Variants in ADAMTS1 observed in about 807,000 individuals in gnomAD.
ADAMTS1 encodes the protein A disintegrin and metalloproteinase with thrombospondin motifs 1.
A neutral mutation model predicts 87.9 loss-of-function variants in ADAMTS1; 19 were observed. That is an observed-to-expected ratio of 0.22 (90% CI 0.15 to 0.32). The LOEUF is 0.32. Ranked by LOEUF, ADAMTS1 falls within the 10% of genes least tolerant of loss-of-function variation. The probability of loss-of-function intolerance (pLI) is 1.00; values close to 1 mark genes in which losing one functional copy is unlikely to be tolerated. For synonymous variants in ADAMTS1, 542 were observed against 501.8 expected (o/e 1.08, Z -1.07); for missense variants, 1,240 against 1,259.1 (o/e 0.98, Z 0.23).
At position 26,838,738 on chromosome 21, in the gene ADAMTS1, A is replaced by G. The variant is rs73898799; in HGVS notation, c.2029-124T>C. 3,539 of 907,684 alleles carry G rather than the reference A, an allele frequency of 3.9e-3. 102 individuals are homozygous for G. In the African/African-American group the frequency reaches 0.053, roughly 14 times the overall value. The allele number at this position is 907,684 out of a possible 1,614,324, so 56.2% of individuals were successfully genotyped here. On this transcript the variant is annotated intron_variant, in intron 7 of 8. Transcript: ENST00000284984. Reference sequence around the variant, plus strand: ...TAATTAAACACAGTACCCTCTACACATTATGCATTTCATGCATTTACCCTT... The same window carrying G: ...TAATTAAACACAGTACCCTCTACACGTTATGCATTTCATGCATTTACCCTT...
Position 26,842,015 on chromosome 21 carries a change from T to G in ADAMTS1, c.1078-25A>C, listed in dbSNP as rs1327569862. 1.9e-6 allele frequency: 3 copies of G among 1,609,678 alleles called. No homozygotes were observed. In the East Asian group the frequency reaches 6.7e-5, roughly 36 times the overall value. Reference sequence around the variant, plus strand: ...CCTACAAAAAGCAAAGGTAAATACTTATTAATAAGGGGAGCATGACCCTTG... The same window carrying G: ...CCTACAAAAAGCAAAGGTAAATACTGATTAATAAGGGGAGCATGACCCTTG... On this transcript the variant is annotated intron_variant, in intron 2 of 8. Transcript: ENST00000284984.
chr21:26,837,170 C>G lies in ADAMTS1; in HGVS notation c.*409G>C, dbSNP rs1429093448. 1 of 168,568 alleles carries G rather than the reference C, an allele frequency of 5.9e-6. No homozygotes were observed. The highest frequency in any genetic ancestry group is 1.3e-5 in the Non-Finnish European group (1 of 76,772). The allele number at this position is 168,568 out of a possible 1,614,324, so 10.4% of individuals were successfully genotyped here. A position where few individuals can be genotyped will look rare whatever the true frequency, so the allele number is the denominator to read the frequency against. On this transcript the variant is annotated 3_prime_UTR_variant, in exon 9 of 9. Transcript: ENST00000284984. ...AAAGTAAAACAGGTCTTAGTAAAATCTCACTTTTCTCCTACTTTTCATTTC... is the reference window on the plus strand; with the variant it reads ...AAAGTAAAACAGGTCTTAGTAAAATGTCACTTTTCTCCTACTTTTCATTTC...
Position 26,837,867 on chromosome 21 carries a change from C to T in ADAMTS1, c.2616G>A (p.Leu872=), listed in dbSNP as rs1401859949. Residue 872 remains leucine, a synonymous_variant, in exon 9 of 9, where the codon TTG becomes TTA. Coordinates refer to ENST00000284984, the MANE Select transcript of ADAMTS1 (RefSeq NM_006988.5). ...EWGECSKSCE[L]GWQRRLVECR... is the part of the protein sequence containing the mutation. ...ATTCTACCAGTCTTCTCTGCCAACC[C>T]AATTCACATGACTTAGAACATTCGC... 1 of 1,614,226 alleles carries T rather than the reference C, an allele frequency of 6.2e-7. No homozygotes were observed. The highest frequency in any genetic ancestry group is 2.2e-5 in the East Asian group (1 of 44,884).
chr21:26,837,635 G>A lies in ADAMTS1; in HGVS notation c.2848C>T (p.Pro950Ser). The A allele has an allele frequency of 6.2e-7, 1 of 1,614,142 alleles. No individual in the cohort carries two copies. Among genetic ancestry groups the A allele is most frequent in the Non-Finnish European group, 8.5e-7 (1 of 1,180,032 alleles). Residue 950 changes from proline to serine, a missense_variant, in exon 9 of 9, where the codon CCT becomes TCT. Around this residue, in one of 3 missense-constraint regions of ADAMTS1, gnomAD observed 402 missense variants for 399.1 expected, o/e 1.01. Transcript: ENST00000284984. ...ATGAAATGTTTAGGTTTCTTTAAAGGATCACAGCTCTCATGAGATAACACC... is the reference window on the plus strand; with the variant it reads ...ATGAAATGTTTAGGTTTCTTTAAAGAATCACAGCTCTCATGAGATAACACC... ...GGVLSHESCD[P>S]LKKPKHFIDF...
At position 26,844,778 on chromosome 21, in the gene ADAMTS1, C is replaced by T; in HGVS notation, c.177G>A (p.Glu59=). 5.8e-6 allele frequency: 9 copies of T among 1,545,810 alleles called. No homozygotes were observed. Among genetic ancestry groups the T allele is most frequent in the Non-Finnish European group, 7.0e-6 (8 of 1,143,534 alleles). Residue 59 remains glutamate, a synonymous_variant, in exon 1 of 9, where the codon GAG becomes GAA. Transcript: ENST00000284984. ...CGCGCTCCAGCTCCGGCACCACTAG[C>T]TCCTCGTCCTCCTCGGAGGGGCGCC... ...ALGRPSEEDE[E]LVVPELERAP... is the part of the protein sequence containing the mutation.
At position 26,842,368 on chromosome 21, in the gene ADAMTS1, A is replaced by G; in HGVS notation, c.1048T>C (p.Tyr350His). The G allele has an allele frequency of 4.3e-6, 7 of 1,614,152 alleles. No individual in the cohort carries two copies. Among genetic ancestry groups the G allele is most frequent in the Non-Finnish European group, 5.9e-6 (7 of 1,180,020 alleles). Residue 350 changes from tyrosine (Y) to histidine (H), a missense_variant, in exon 2 of 9, where the codon TAT becomes CAT. Physicochemically the swap from Tyr to His is moderately conservative, Grantham distance 83. Transcript: ENST00000284984. The stretch of plus-strand genomic sequence containing the variant: ...CTGGTGAAAAGAATTGCTGTGTCAT[A>G]GTGCTCTGCATCCCGGTCACTGGGT... ...NPPSDRDAEH[Y>H]DTAILFTRQD...
rs1343244651 is a variant in ADAMTS1 at position 26,838,047 on chromosome 21, G to A, written c.2436C>T (p.Arg812=). The A allele has an allele frequency of 6.2e-7, 1 of 1,614,078 alleles. No homozygotes were observed. Among genetic ancestry groups the A allele is most frequent in the Admixed American group, 1.7e-5 (1 of 60,012 alleles). Residue 812 remains arginine, a synonymous_variant, in exon 9 of 9, where the codon CGC becomes CGT. Coordinates refer to ENST00000284984, the MANE Select transcript of ADAMTS1 (RefSeq NM_006988.5). ...AGGGCTCTTTGAGAGGGCTAAAGCT[G>A]CGAATTCTTTCCAATGCCGCAGAGG... The part of the protein sequence containing the change: ...SGSSAALERI[R]SFSPLKEPLT...
intron 1 of ADAMTS1, chr21:26,843,861 C>A: frequency 2.2e-6 from 1 of 459,074 alleles, no homozygotes. Context: ...ACAAAAGGCG[C>A]ACACAAAATC....
At chr21:26,842,729 G>A in intron 1 of ADAMTS1, 44 bp from the exon 2 acceptor site, 1 of 1,535,992 alleles carries the variant, frequency 6.5e-7, no homozygotes, top group Non-Finnish European at 8.9e-7. Context: ...GGCTGTCCAA[G>A]AATAGTTACC....
At chr21:26,843,094 G>T (rs1017464991) in intron 1 of ADAMTS1, 6 of 264,280 alleles carry the variant, frequency 2.3e-5, no homozygotes, top group African/African-American at 1.4e-4. Context: ...GGCTCCACGT[G>T]GAAGGCCTCG....
At chr21:26,840,188 A>T in intron 5 of ADAMTS1, 88 bp downstream of exon 5, 1 of 1,559,850 alleles carries the variant, frequency 6.4e-7, no homozygotes. Flanking sequence ...GCTAGAGGAC[A>T]CGGATGGGGA....
In ADAMTS1 at chr21:26,837,849, C is replaced by A; in HGVS notation, c.2634G>T (p.Leu878=). The change falls in exon 9 of 9, where the codon CTG becomes CTT. Residue 878 remains leucine (L), a synonymous_variant. Coordinates refer to ENST00000284984, the MANE Select transcript of ADAMTS1 (RefSeq NM_006988.5). ...KSCELGWQRR[L]VECRDINGQP... Reference sequence around the variant, plus strand: ...GTCCATTAATGTCTCGGCATTCTACCAGTCTTCTCTGCCAACCCAATTCAC... The same window carrying A: ...GTCCATTAATGTCTCGGCATTCTACAAGTCTTCTCTGCCAACCCAATTCAC... 1 of 1,614,226 alleles carries A rather than the reference C, an allele frequency of 6.2e-7. No homozygotes were observed. The highest frequency in any genetic ancestry group is 1.1e-5 in the South Asian group (1 of 91,090).
At position 26,839,869 on chromosome 21, in the gene ADAMTS1, C is replaced by T. The variant is rs1985453816; in HGVS notation, c.1852+6G>A. On this transcript the variant is annotated splice_donor_region_variant and intron_variant, in intron 6 of 8. Coordinates refer to ENST00000284984, the MANE Select transcript of ADAMTS1 (RefSeq NM_006988.5). ...TTTCTTAAAACCAGAGTCCGTTGCT[C>T]CTCACCATTATTGTCTGGACAGTCC... 1 of 1,612,438 alleles carries T rather than the reference C, an allele frequency of 6.2e-7. No homozygotes were observed. Among genetic ancestry groups the T allele is most frequent in the Non-Finnish European group, 8.5e-7 (1 of 1,179,216 alleles).
Position 26,837,508 on chromosome 21 carries a change from C to T in ADAMTS1, c.*71G>A. ...GGCAAGATACGCTGGATCCCTCCAG[C>T]CTTCTTGCTTTCCCTGCACCAGCCC... On this transcript the variant is annotated 3_prime_UTR_variant, in exon 9 of 9. Transcript: ENST00000284984. 1 of 1,386,314 alleles carries T rather than the reference C, an allele frequency of 7.2e-7. No individual in the cohort carries two copies. The highest frequency in any genetic ancestry group is 1.0e-6 in the Non-Finnish European group (1 of 989,000). 85.9% of individuals were successfully genotyped at this position (1,386,314 alleles called of 1,614,324 possible). A position where few individuals can be genotyped will look rare whatever the true frequency, so the allele number is the denominator to read the frequency against.
Position 26,840,464 on chromosome 21 carries a change from C to A in ADAMTS1, c.1477G>T (p.Gly493Trp). ...TCGGGGCAGTGTTTGGAGTCCTCCCCAAATGTAAACTGGCACTGCCGGTTG... is the reference window on the plus strand; with the variant it reads ...TCGGGGCAGTGTTTGGAGTCCTCCCAAAATGTAAACTGGCACTGCCGGTTG... The part of the protein sequence containing the change: ...DANRQCQFTF[G>W]EDSKHCPDAA... The change falls in exon 5 of 9, where the codon GGG becomes TGG. Residue 493 changes from glycine to tryptophan, a missense_variant. This residue lies in a region of ADAMTS1 where 317 missense variants were observed against 410.3 expected (regional missense o/e 0.77). Coordinates refer to ENST00000284984, the MANE Select transcript of ADAMTS1 (RefSeq NM_006988.5). 6.2e-7 allele frequency: 1 copy of A among 1,614,150 alleles called. No individual in the cohort carries two copies. The highest frequency in any genetic ancestry group is 8.5e-7 in the Non-Finnish European group (1 of 1,179,996).
At chr21:26,841,590 T>C (rs892912963) in intron 3 of ADAMTS1, 9 of 359,592 alleles carry the variant, frequency 2.5e-5, no homozygotes, top group African/African-American at 1.3e-4. Context: ...GAAATATATT[T>C]AGGAGATTGG....
intron 7 of ADAMTS1, chr21:26,838,815 A>G (rs1985432611): frequency 4.0e-6 from 2 of 498,616 alleles, no homozygotes; most frequent in Admixed American, 7.0e-5. Flanking sequence ...GAAATTAGAT[A>G]TTTTTAAAAA....
Position 26,838,498 on chromosome 21 carries a change from A to G in ADAMTS1, c.2145T>C (p.Gly715=). The part of the protein sequence containing the change: ...IDSKKKFDKC[G]VCGGNGSTCK... ...AAGTAGATCCATTTCCCCCGCAAAC[A>G]CCACATTTATCAAACTTCTTTTTGG... is the stretch of plus-strand genomic sequence containing the variant. Residue 715 remains glycine, a synonymous_variant, in exon 8 of 9, where the codon GGT becomes GGC. Coordinates refer to ENST00000284984, the MANE Select transcript of ADAMTS1 (RefSeq NM_006988.5). 1 of 1,614,216 alleles carries G rather than the reference A, an allele frequency of 6.2e-7. No individual in the cohort carries two copies. Among genetic ancestry groups the G allele is most frequent in the Middle Eastern group, 1.6e-4 (1 of 6,062 alleles).
chr21:26,839,860 T>C lies in ADAMTS1; in HGVS notation c.1852+15A>G. ...TTAATCCAGTTTCTTAAAACCAGAGTCCGTTGCTCCTCACCATTATTGTCT... is the reference window on the plus strand; with the variant it reads ...TTAATCCAGTTTCTTAAAACCAGAGCCCGTTGCTCCTCACCATTATTGTCT... On this transcript the variant is annotated intron_variant, in intron 6 of 8. Transcript: ENST00000284984. 1.2e-6 allele frequency: 2 copies of C among 1,609,768 alleles called. No homozygotes were observed. Among genetic ancestry groups the C allele is most frequent in the African/African-American group, 2.7e-5 (2 of 74,732 alleles).
Sources: gnomAD v4.1 joint callset for allele counts on GRCh38, gnomAD v4.1.1 for gene constraint, gnomAD v4.1.1 regional missense constraint, MANE v1.5 for transcripts, NCBI Gene and HGNC (gene_info 2026-07-23, HGNC 2026-07-21) for gene names.